The following DPP10 variants were observed in gnomAD, a reference collection of about 807,000 sequenced individuals.
The protein encoded by DPP10 is dipeptidyl peptidase like 10, also known as inactive dipeptidyl peptidase 10.
Under a neutral mutation model 120.9 loss-of-function variants are expected in DPP10, and 33 were observed. The ratio of observed to expected loss-of-function variants is 0.27; its 90% CI spans 0.21 to 0.37. The LOEUF (loss-of-function observed/expected upper bound fraction) is 0.37. DPP10 is among the 10% of genes least tolerant of loss of function. DPP10 has a pLI of 1.00. For synonymous variants in DPP10, 337 were observed against 326.1 expected (o/e 1.03, Z -0.36); for missense variants, 816 against 942.8 (o/e 0.87, Z 1.76).
At chr2:115,525,806 G>T in intron 4 of DPP10, 92 bp from the exon 5 acceptor site, 1 of 852,352 alleles carries the variant, frequency 1.2e-6, no homozygotes, top group Non-Finnish European at 1.8e-6. Context: ...CCATTTTATA[G>T]TGCTATGAAA....
intron 3 of DPP10, among the ~76,000 whole-genome samples, chr2:115,345,839 G>A (rs1011242758): frequency 1.3e-5 from 2 of 152,122 alleles, no homozygotes; most frequent in Non-Finnish European, 2.9e-5. Context: ...TATATTTGGA[G>A]TTTATCATTT....
intron 4 of DPP10, among the ~76,000 whole-genome samples, chr2:115,520,274 C>T (rs772757305): frequency 4.6e-5 from 7 of 152,226 alleles, no homozygotes; most frequent in African/African-American, 1.2e-4. Flanking sequence ...GCCAAGATAG[C>T]GCCATTGCAC....
chr2:115,505,630 T>C (rs2076901246), intron 4 of DPP10, among the ~76,000 whole-genome samples: 1 of 152,172 alleles, frequency 6.6e-6, no homozygotes, highest in Non-Finnish European at 1.5e-5. Context: ...TTGATGGATA[T>C]TTCTGCCCTT....
At chr2:115,302,145 C>T (rs1282119072) in intron 1 of DPP10, among the ~76,000 whole-genome samples, 7 of 151,918 alleles carry the variant, frequency 4.6e-5, no homozygotes, top group South Asian at 2.1e-4. Flanking sequence ...AAGTGCCACA[C>T]GCTTTTAAAC....
At chr2:114,799,702 A>G (rs755627174) in intron 1 of DPP10, among the ~76,000 whole-genome samples, 4 of 152,170 alleles carry the variant, frequency 2.6e-5, no homozygotes, top group Non-Finnish European at 4.4e-5. Context: ...AAAAATATGG[A>G]AGCAGTTTTT....
At chr2:114,628,365 C>G (rs1694666754) in intron 1 of DPP10, among the ~76,000 whole-genome samples, 2 of 152,076 alleles carry the variant, frequency 1.3e-5, no homozygotes, top group Admixed American at 1.3e-4. Context: ...CAATTTTTCA[C>G]CAAAGATAAT....
chr2:115,363,484 A>G (rs2064905880), intron 3 of DPP10, among the ~76,000 whole-genome samples: 1 of 152,176 alleles, frequency 6.6e-6, no homozygotes, highest in Non-Finnish European at 1.5e-5. Flanking sequence ...CCACCAAGGT[A>G]GAGAAGGAAC....
At chr2:114,549,684 A>AAAAAAAG (rs1558870967) in intron 1 of DPP10, among the ~76,000 whole-genome samples, 2 of 69,068 alleles carry the variant, frequency 2.9e-5, no homozygotes, top group African/African-American at 3.6e-5. Context: ...AAAAAAAAAA[A>AAAAAAAG]AGAGAGAGAG....
At chr2:114,978,786 T>C (rs903830795) in intron 1 of DPP10, among the ~76,000 whole-genome samples, 5 of 152,166 alleles carry the variant, frequency 3.3e-5, no homozygotes, top group Non-Finnish European at 7.4e-5. Flanking sequence ...CATTGGTAGA[T>C]AATTTTATAA....
intron 1 of DPP10, among the ~76,000 whole-genome samples, chr2:114,777,777 T>A (rs921712571): frequency 2.6e-5 from 4 of 152,148 alleles, no homozygotes; most frequent in African/African-American, 9.6e-5. Flanking sequence ...TATATGGTAA[T>A]GACATCATTA....
chr2:114,466,592 T>C (rs962651738), intron 1 of DPP10, among the ~76,000 whole-genome samples: 1 of 152,100 alleles, frequency 6.6e-6, no homozygotes, highest in Non-Finnish European at 1.5e-5. Context: ...AATAAGAAAA[T>C]AATAGTACCT....
intron 1 of DPP10, among the ~76,000 whole-genome samples, chr2:114,617,771 T>C (rs1023078132): frequency 1.3e-5 from 2 of 152,168 alleles, no homozygotes; most frequent in Admixed American, 6.6e-5. Flanking sequence ...AGAAAGGACT[T>C]TCTTTTCATT....
At chr2:114,499,209 G>A (rs60715834) in intron 1 of DPP10, among the ~76,000 whole-genome samples, 4,782 of 152,254 alleles carry the variant, frequency 0.031, 252 homozygotes, top group African/African-American at 0.11. Flanking sequence ...CCACCTTGGG[G>A]GTTTTCAATG....
At chr2:115,383,319 C>G (rs1408139585) in intron 3 of DPP10, among the ~76,000 whole-genome samples, 1 of 152,154 alleles carries the variant, frequency 6.6e-6, no homozygotes, top group African/African-American at 2.4e-5. Flanking sequence ...AGGGGAGTTT[C>G]CCTGCACAAG....
chr2:114,899,501 T>C (rs2106634415), intron 1 of DPP10, among the ~76,000 whole-genome samples: 1 of 152,294 alleles, frequency 6.6e-6, no homozygotes. Context: ...CTTTTAACTT[T>C]TGTCGTAATG....
At chr2:114,674,487 G>GA (rs1698544313) in intron 1 of DPP10, among the ~76,000 whole-genome samples, 1 of 151,918 alleles carries the variant, frequency 6.6e-6, no homozygotes, top group African/African-American at 2.4e-5. Context: ...CAAAACGAAG[G>GA]AAAAAGACAT....
chr2:115,558,087 T>G (rs1038222534), intron 5 of DPP10, among the ~76,000 whole-genome samples: 1 of 152,168 alleles, frequency 6.6e-6, no homozygotes, highest in Admixed American at 6.5e-5. Context: ...TTTATGTGTG[T>G]TCTCTGAGAA....
intron 1 of DPP10, among the ~76,000 whole-genome samples, chr2:114,583,781 A>G (rs945313517): frequency 5.3e-5 from 8 of 152,182 alleles, no homozygotes; most frequent in African/African-American, 1.9e-4. Flanking sequence ...AATAAAGTCT[A>G]TTTTCTCTCA....
chr2:115,211,957 C>T (rs912229002), intron 1 of DPP10, among the ~76,000 whole-genome samples: 3 of 152,090 alleles, frequency 2.0e-5, no homozygotes, highest in African/African-American at 7.2e-5. Context: ...AAAGACAGGT[C>T]AACACCCTTG....
Sources: allele counts gnomAD v4.1 joint callset (sites outside exome capture counted in the v4.1 genomes callset), GRCh38; gene constraint gnomAD v4.1.1; transcripts MANE v1.5; gene names NCBI Gene and HGNC (gene_info 2026-07-23, HGNC 2026-07-21).